SLC25A21: variants seen among roughly 807,000 people sequenced by gnomAD.
The protein encoded by SLC25A21 is solute carrier family 25 member 21, also known as mitochondrial 2-oxodicarboxylate carrier.
A neutral mutation model predicts 43.8 loss-of-function variants in SLC25A21; 47 were observed. The ratio of observed to expected loss-of-function variants is 1.07; its 90% CI spans 0.85 to 1.37. SLC25A21 has a LOEUF of 1.37. Among genes scored for constraint, SLC25A21 ranks in the 40% most tolerant of loss-of-function variants. SLC25A21 has a pLI of 0.00. For synonymous variants in SLC25A21, 131 were observed against 121.3 expected (o/e 1.08, Z -0.52); for missense variants, 352 against 350.2 (o/e 1.00, Z -0.04).
chr14:36,944,160 C>T (rs563930377), intron 1 of SLC25A21, among the ~76,000 whole-genome samples: 2 of 152,222 alleles, frequency 1.3e-5, no homozygotes, highest in East Asian at 3.9e-4. Flanking sequence ...AATGCAGGTG[C>T]CTCTGGCCAG....
chr14:36,683,976 T>A, intron 8 of SLC25A21, 96 bp from the exon 9 acceptor site: 2 of 876,806 alleles, frequency 2.3e-6, no homozygotes, highest in Non-Finnish European at 3.5e-6. Context: ...TTTAAAAAAA[T>A]AAATTATTTG....
chr14:36,999,427 C>T (rs895286258), intron 1 of SLC25A21, among the ~76,000 whole-genome samples: 5 of 152,118 alleles, frequency 3.3e-5, no homozygotes, highest in African/African-American at 1.2e-4. Context: ...CAGTGAAAAT[C>T]TCTGTATGTT....
chr14:36,759,015 C>T (rs2764962), intron 3 of SLC25A21, among the ~76,000 whole-genome samples: 52,935 of 151,990 alleles, frequency 0.35, 10,134 homozygotes, highest in Non-Finnish European at 0.44. Context: ...CGTTATTCAG[C>T]TCATGTTCAT....
At chr14:37,082,770 A>G (rs1177974578) in intron 1 of SLC25A21, among the ~76,000 whole-genome samples, 2 of 152,202 alleles carry the variant, frequency 1.3e-5, no homozygotes, top group African/African-American at 2.4e-5. Context: ...CCCTTTCTGT[A>G]GGCTCCTCTT....
At chr14:36,822,388 T>C (rs1888667511) in intron 2 of SLC25A21, among the ~76,000 whole-genome samples, 1 of 152,234 alleles carries the variant, frequency 6.6e-6, no homozygotes, top group Admixed American at 6.5e-5. Context: ...GATTGTTGCT[T>C]AGTCATTTCC....
intron 1 of SLC25A21, among the ~76,000 whole-genome samples, chr14:36,899,072 A>T (rs1383385912): frequency 6.6e-6 from 1 of 152,162 alleles, no homozygotes; most frequent in Non-Finnish European, 1.5e-5. Flanking sequence ...CAATAAACAC[A>T]GACAATTTTA....
chr14:36,889,464 G>A (rs1449143772), intron 1 of SLC25A21, among the ~76,000 whole-genome samples: 1 of 152,120 alleles, frequency 6.6e-6, no homozygotes, highest in Non-Finnish European at 1.5e-5. Context: ...GTACTGATGG[G>A]AAACATTATC....
intron 1 of SLC25A21, among the ~76,000 whole-genome samples, chr14:37,138,694 G>A (rs931041487): frequency 2.6e-5 from 4 of 151,770 alleles, no homozygotes; most frequent in Non-Finnish European, 5.9e-5. Flanking sequence ...TCATTGAAAT[G>A]TTAAATATTA....
intron 1 of SLC25A21, among the ~76,000 whole-genome samples, chr14:37,133,119 C>A (rs767209963): frequency 6.7e-6 from 1 of 150,018 alleles, no homozygotes; most frequent in Non-Finnish European, 1.5e-5. Flanking sequence ...GATACACATA[C>A]CCCACCTTAC....
At chr14:36,859,717 A>G (rs1890011194) in intron 2 of SLC25A21, among the ~76,000 whole-genome samples, 1 of 152,194 alleles carries the variant, frequency 6.6e-6, no homozygotes, top group Non-Finnish European at 1.5e-5. Flanking sequence ...GTGTAAAACC[A>G]CACAAATGCA....
intron 1 of SLC25A21, among the ~76,000 whole-genome samples, chr14:36,911,471 C>A (rs712391): frequency 6.6e-6 from 1 of 152,180 alleles, no homozygotes; most frequent in East Asian, 1.9e-4. Context: ...CCCTCCTGCA[C>A]TGACTCCAGG....
rs144711742 is a variant in SLC25A21 at position 37,064,132 on chromosome 14, A to C, written c.70+108149T>G. 2.4e-4 allele frequency among the ~76,000 whole-genome samples: 36 copies of C among 152,300 alleles called. No individual in the cohort carries two copies. The East Asian group carries it at 6.6e-3, about 28-fold the overall frequency. ...AACTGGGAGCCCAGATAGAACAAAAAGACAGAGAAGACAAATTATCTCTCC... is the reference window on the plus strand; with the variant it reads ...AACTGGGAGCCCAGATAGAACAAAACGACAGAGAAGACAAATTATCTCTCC... On this transcript the variant is annotated intron_variant, in intron 1 of 9. Transcript: ENST00000331299.
In SLC25A21 at chr14:36,875,090, G is replaced by A. The variant is rs182141863; in HGVS notation, c.71-86C>T. On this transcript the variant is annotated intron_variant, in intron 1 of 9. Transcript: ENST00000331299. Reference sequence around the variant, plus strand: ...GATCCCGTCGATTTCTCGAGTGTGAGGGTTCAGATAAAGAACTTGGGACTT... The same window carrying A: ...GATCCCGTCGATTTCTCGAGTGTGAAGGTTCAGATAAAGAACTTGGGACTT... 8.2e-5 allele frequency: 90 copies of A among 1,099,882 alleles called. No individual in the cohort carries two copies. The East Asian group carries it at 2.1e-3, about 26-fold the overall frequency. 68.1% of individuals were successfully genotyped at this position (1,099,882 alleles called of 1,614,324 possible). A position where few individuals can be genotyped will look rare whatever the true frequency, so the allele number is the denominator to read the frequency against.
intron 3 of SLC25A21, among the ~76,000 whole-genome samples, chr14:36,807,869 C>T (rs142934331): frequency 7.8e-4 from 119 of 152,222 alleles, no homozygotes; most frequent in Non-Finnish European, 6.9e-4. Flanking sequence ...CCATTTGTGC[C>T]GTCTGAAAGG....
Position 36,679,530 on chromosome 14 carries a change from G to C in SLC25A21, c.*1128C>G, listed in dbSNP as rs989589902. On this transcript the variant is annotated 3_prime_UTR_variant, in exon 10 of 10. Coordinates refer to ENST00000331299, the MANE Select transcript of SLC25A21 (RefSeq NM_030631.4). The stretch of plus-strand genomic sequence containing the variant: ...TGGATGCAGATATAAAATCAAGTTT[G>C]GTTACATCAAGACCAAGGAGATATT... 2 of 985,308 alleles carry C rather than the reference G, an allele frequency of 2.0e-6. No individual in the cohort carries two copies. Among genetic ancestry groups the C allele is most frequent in the Non-Finnish European group, 2.4e-6 (2 of 829,888 alleles). The allele number at this position is 985,308 out of a possible 1,614,324, so 61.0% of individuals were successfully genotyped here. A position where few individuals can be genotyped will look rare whatever the true frequency, so the allele number is the denominator to read the frequency against.
At chr14:36,876,610 A>G (rs1371357838) in intron 1 of SLC25A21, among the ~76,000 whole-genome samples, 2 of 151,980 alleles carry the variant, frequency 1.3e-5, no homozygotes, top group African/African-American at 4.8e-5. Flanking sequence ...TAAGGTCTCC[A>G]TATACTTCTC....
intron 2 of SLC25A21, among the ~76,000 whole-genome samples, chr14:36,832,731 G>A (rs1889080103): frequency 6.6e-6 from 1 of 152,124 alleles, no homozygotes. Flanking sequence ...GCAGCTTTAT[G>A]CCTTTTTAAG....
chr14:37,095,625 T>C (rs773500247), intron 1 of SLC25A21, among the ~76,000 whole-genome samples: 2 of 152,068 alleles, frequency 1.3e-5, no homozygotes, highest in Non-Finnish European at 2.9e-5. Flanking sequence ...TGGCTCACAC[T>C]TATTAATCCC....
intron 3 of SLC25A21, among the ~76,000 whole-genome samples, chr14:36,812,860 G>A (rs1888320969): frequency 6.6e-6 from 1 of 152,012 alleles, no homozygotes; most frequent in South Asian, 2.1e-4. Flanking sequence ...TAACTTCTCT[G>A]AGTCTTCTTT....
Sources: allele counts gnomAD v4.1 joint callset (sites outside exome capture counted in the v4.1 genomes callset), GRCh38; gene constraint gnomAD v4.1.1; transcripts MANE v1.5; gene names NCBI Gene and HGNC (gene_info 2026-07-23, HGNC 2026-07-21).